EARS2: variants seen among roughly 807,000 people sequenced by gnomAD.
EARS2 encodes the protein glutamyl-tRNA synthetase 2, mitochondrial.
EARS2 carries 50 observed loss-of-function variants against 54.1 expected under a neutral mutation model. The ratio of observed to expected loss-of-function variants is 0.92; its 90% CI spans 0.74 to 1.17. The LOEUF is 1.17. EARS2 is among the 50% of genes most tolerant of loss of function. EARS2 has a pLI of 0.00. For missense variants in EARS2, 673 were observed against 675.0 expected (o/e 1.00, Z 0.03); for synonymous variants, 298 against 281.0 (o/e 1.06, Z -0.61).
intron 7 of EARS2, 44 bp from the exon 8 acceptor site, chr16:23,525,423 G>A (rs539754409): frequency 1.3e-6 from 2 of 1,581,514 alleles, no homozygotes; most frequent in Non-Finnish European, 1.7e-6. Context: ...TGGGCCAATG[G>A]CAAGTGGGTG....
chr16:23,554,561 AGAG>A (rs1315580448), intron 1 of EARS2, among the ~76,000 whole-genome samples: 2 of 152,216 alleles, frequency 1.3e-5, no homozygotes, highest in Non-Finnish European at 2.9e-5. Flanking sequence ...AAGAGGCAGC[AGAG>A]GAGAGAAAAA....
intron 3 of EARS2, chr16:23,537,375 G>A (rs918806037): frequency 6.5e-6 from 1 of 154,024 alleles, no homozygotes; most frequent in Admixed American, 6.5e-5. Flanking sequence ...TAGATTACAG[G>A]CCACTGTACT....
At chr16:23,547,894 C>T (rs1965630132) in intron 2 of EARS2, among the ~76,000 whole-genome samples, 2 of 150,028 alleles carry the variant, frequency 1.3e-5, no homozygotes, top group African/African-American at 2.5e-5. Context: ...CTCAGGAGTT[C>T]GAAACCAGCC....
intron 2 of EARS2, chr16:23,550,764 G>A (rs755332903): frequency 2.6e-5 from 4 of 152,222 alleles, no homozygotes; most frequent in African/African-American, 7.2e-5. Context: ...TAGGAATCCA[G>A]AGTTTAGTGA....
intron 7 of EARS2, among the ~76,000 whole-genome samples, chr16:23,526,135 T>C (rs1965225396): frequency 7.6e-6 from 1 of 132,006 alleles, no homozygotes; most frequent in East Asian, 2.2e-4. Context: ...TTTTTGGAGA[T>C]GGAGTCTCGC....
At chr16:23,536,315 G>A (rs774739011) in intron 3 of EARS2, among the ~76,000 whole-genome samples, 9 of 152,126 alleles carry the variant, frequency 5.9e-5, no homozygotes, top group Non-Finnish European at 1.2e-4. Flanking sequence ...TCAATAAATG[G>A]TGCACAGGGC....
In EARS2 at chr16:23,544,679, C is replaced by T. The variant is rs1021330566; in HGVS notation, c.320G>A (p.Arg107His). Residue 107 changes from arginine (R) to histidine (H), a missense_variant, in exon 3 of 9, where the codon CGC (arginine) becomes CAC (histidine). By Grantham distance (29) the Arg-to-His change is conservative (BLOSUM62 0). Coordinates refer to ENST00000449606, the MANE Select transcript of EARS2 (RefSeq NM_001083614.2). ...WAGIPPDESPRRGGPAGPYQQ... is the reference protein window; with the variant it reads ...WAGIPPDESPHRGGPAGPYQQ... ...GTAGGGCCCAGCAGGACCGCCCCGG[C>T]GGGGGCTCTCATCAGGCGGGATGCC... 27 of 1,605,774 alleles carry T rather than the reference C, an allele frequency of 1.7e-5. No individual in the cohort carries two copies. The highest frequency in any genetic ancestry group is 2.3e-5 in the Non-Finnish European group (27 of 1,177,286).
chr16:23,531,944 T>C (rs1965333863), intron 5 of EARS2, among the ~76,000 whole-genome samples: 1 of 152,194 alleles, frequency 6.6e-6, no homozygotes, highest in African/African-American at 2.4e-5. Flanking sequence ...GCCTCCCAAG[T>C]AGCCGGGACT....
chr16:23,544,503 G>A lies in EARS2; in HGVS notation c.485+11C>T, dbSNP rs1369749005. On this transcript the variant is annotated intron_variant, in intron 3 of 8. Coordinates refer to ENST00000449606, the MANE Select transcript of EARS2 (RefSeq NM_001083614.2). ...GTTGATGAGGCATCTGCAACAAGCT[G>A]AGGTTCTTACCGGGGCGTCTGGTGG... 7 of 1,610,830 alleles carry A rather than the reference G, an allele frequency of 4.3e-6. No homozygotes were observed. The Admixed American group carries it at 1.0e-4, about 23-fold the overall frequency.
chr16:23,550,619 A>G (rs1332733422), intron 2 of EARS2, among the ~76,000 whole-genome samples: 1 of 151,850 alleles, frequency 6.6e-6, no homozygotes, highest in African/African-American at 2.4e-5. Context: ...TTGTATTTTT[A>G]GTAGAGATGG....
In EARS2 at chr16:23,544,523, T is replaced by C; in HGVS notation, c.476A>G (p.Gln159Arg). The part of the protein sequence containing the change: ...LLKKEALRNH[Q>R]TPRYDNRCRN... ...AAGCTGAGGTTCTTACCGGGGCGTC[T>C]GGTGGTTCCGCAAGGCCTCCTTCTT... The change falls in exon 3 of 9, where the codon CAG becomes CGG. Residue 159 changes from glutamine to arginine, a missense_variant. Gln to Arg is a conservative substitution (Grantham distance 43). This residue lies in a region of EARS2 where 316 missense variants were observed against 275.2 expected (regional missense o/e 1.15). Coordinates refer to ENST00000449606, the MANE Select transcript of EARS2 (RefSeq NM_001083614.2). 1 of 1,613,694 alleles carries C rather than the reference T, an allele frequency of 6.2e-7. No homozygotes were observed. The highest frequency in any genetic ancestry group is 8.5e-7 in the Non-Finnish European group (1 of 1,179,714).
intron 7 of EARS2, 57 bp from the exon 8 acceptor site, chr16:23,525,436 AG>A: frequency 6.4e-7 from 1 of 1,559,374 alleles, no homozygotes; most frequent in Non-Finnish European, 8.7e-7. Context: ...AGTGGGTGGG[AG>A]GAAGGGCTTC....
At chr16:23,529,432 G>T in intron 7 of EARS2, 70 bp downstream of exon 7, 1 of 1,559,008 alleles carries the variant, frequency 6.4e-7, no homozygotes. Context: ...AGCCCTGAAG[G>T]AAAGAGAGCC....
At chr16:23,532,860 G>T in intron 4 of EARS2, 95 bp from the exon 5 acceptor site, 2 of 848,582 alleles carry the variant, frequency 2.4e-6, no homozygotes, top group Non-Finnish European at 3.7e-6. Flanking sequence ...TTGCTCTGCT[G>T]CCCAGGTTGG....
chr16:23,553,883 G>A (rs1406929752), intron 1 of EARS2, among the ~76,000 whole-genome samples: 1 of 148,052 alleles, frequency 6.8e-6, no homozygotes, highest in Non-Finnish European at 1.5e-5. Flanking sequence ...GCGACAGGGC[G>A]AGACTCCATC....
chr16:23,551,646 G>A (rs760284756), intron 2 of EARS2, among the ~76,000 whole-genome samples: 3 of 152,112 alleles, frequency 2.0e-5, no homozygotes, highest in South Asian at 2.1e-4. Context: ...CAAGTTGGGC[G>A]CGGTGGCTCA....
chr16:23,554,306 C>T (rs761953908), intron 1 of EARS2, among the ~76,000 whole-genome samples: 9 of 152,152 alleles, frequency 5.9e-5, no homozygotes, highest in Non-Finnish European at 1.0e-4. Context: ...TGGCATGAGC[C>T]ACCATGCCTT....
At chr16:23,544,827 T>C (rs1010270044) in intron 2 of EARS2, 124 bp from the exon 3 acceptor site, 11 of 903,706 alleles carry the variant, frequency 1.2e-5, no homozygotes, top group African/African-American at 5.1e-5. Context: ...TTGGCATTAG[T>C]ACAATGTCCT....
Position 23,525,437 on chromosome 16 carries a change from G to A in EARS2, c.1353-58C>T, listed in dbSNP as rs1031555943. The A allele has an allele frequency of 9.0e-6, 14 of 1,557,384 alleles. No homozygotes were observed. The East Asian group carries it at 2.9e-4, about 33-fold the overall frequency. On this transcript the variant is annotated intron_variant, in intron 7 of 8. Transcript: ENST00000449606. The stretch of plus-strand genomic sequence containing the variant: ...ATGGGCCAATGGCAAGTGGGTGGGA[G>A]GAAGGGCTTCAGAAGGTTATTGATC...
Sources: allele counts gnomAD v4.1 joint callset (sites outside exome capture counted in the v4.1 genomes callset), GRCh38; gene constraint gnomAD v4.1.1; regional missense constraint gnomAD v4.1.1; transcripts MANE v1.5; gene names NCBI Gene and HGNC (gene_info 2026-07-23, HGNC 2026-07-21).